The following MTMR14 variants were observed in gnomAD, a reference collection of about 807,000 sequenced individuals.
MTMR14 encodes myotubularin related protein 14.
MTMR14 carries 48 observed loss-of-function variants against 86.3 expected under a neutral mutation model. The observed-to-expected ratio is 0.56, with a 90% CI of 0.44 to 0.71. MTMR14 has a LOEUF of 0.71. Among genes scored for constraint, MTMR14 ranks in the 30% least tolerant of loss-of-function variants. MTMR14 has a pLI of 0.00. For missense variants in MTMR14, 780 were observed against 834.6 expected, an observed-to-expected ratio of 0.93 and a Z score of 0.81; for synonymous variants, 366 against 326.1, an observed-to-expected ratio of 1.12 and a Z score of -1.32.
intron 5 of MTMR14, 131 bp downstream of exon 5, chr3:9,669,623 G>A (rs1325056945): frequency 2.3e-6 from 2 of 882,022 alleles, no homozygotes; most frequent in Non-Finnish European, 3.4e-6. Context: ...TTCCTCTTCT[G>A]TCTGCCAAGT....
At chr3:9,681,645 C>T (rs1559596512) in intron 9 of MTMR14, among the ~76,000 whole-genome samples, 1 of 152,120 alleles carries the variant, frequency 6.6e-6, no homozygotes, top group Non-Finnish European at 1.5e-5. Flanking sequence ...TCATGAAGCA[C>T]GTAGGATGAG....
In MTMR14 at chr3:9,701,711, G is replaced by A; in HGVS notation, c.1770-79G>A. On this transcript the variant is annotated intron_variant, in intron 18 of 18. Coordinates refer to ENST00000296003, the MANE Select transcript of MTMR14 (RefSeq NM_001077525.3). The surrounding 1 kb of genome is among the most constrained non-coding windows in gnomAD (Gnocchi z 4.2). ...GTCAGAAGAAGCACAAGGACAGGTG[G>A]TATGGAGGGAGGGAGGATGAGGATA... The A allele has an allele frequency of 7.3e-7, 1 of 1,378,198 alleles. No homozygotes were observed. 85.4% of individuals were successfully genotyped at this position (1,378,198 alleles called of 1,614,324 possible).
At chr3:9,675,380 A>T (rs984731278) in intron 7 of MTMR14, 12 of 265,886 alleles carry the variant, frequency 4.5e-5, no homozygotes, top group African/African-American at 2.7e-4. Flanking sequence ...ACTATTACCC[A>T]AACCAAGTCA....
chr3:9,661,674 C>T (rs984199219), intron 2 of MTMR14, among the ~76,000 whole-genome samples: 2 of 152,054 alleles, frequency 1.3e-5, no homozygotes, highest in African/African-American at 4.8e-5. Flanking sequence ...ACATAATATC[C>T]AGTTTTCTGT....
intron 17 of MTMR14, among the ~76,000 whole-genome samples, chr3:9,691,165 G>C (rs1425777118): frequency 6.6e-6 from 1 of 152,236 alleles, no homozygotes; most frequent in Non-Finnish European, 1.5e-5. Flanking sequence ...AGACTGCACT[G>C]CCCACAGGGG....
intron 9 of MTMR14, among the ~76,000 whole-genome samples, chr3:9,679,663 G>T (rs567376969): frequency 6.6e-6 from 1 of 152,280 alleles, no homozygotes; most frequent in African/African-American, 2.4e-5. Flanking sequence ...TTGAACAGAT[G>T]ACCTCACTTC....
At chr3:9,650,603 CTTCCTCA>C in intron 1 of MTMR14, 1 of 287,726 alleles carries the variant, frequency 3.5e-6, no homozygotes, top group Non-Finnish European at 7.2e-6. Context: ...AAGGATTGGA[CTTCCTCA>C]CTCTCCAAAT....
At chr3:9,663,457 C>T (rs2048053803) in intron 3 of MTMR14, among the ~76,000 whole-genome samples, 1 of 147,684 alleles carries the variant, frequency 6.8e-6, no homozygotes, top group South Asian at 2.2e-4. Context: ...TTCATGTTCC[C>T]GAAAGTTATT....
chr3:9,656,784 G>C (rs2047632900), intron 2 of MTMR14, among the ~76,000 whole-genome samples: 1 of 151,990 alleles, frequency 6.6e-6, no homozygotes, highest in Non-Finnish European at 1.5e-5. Context: ...GTTTTGTTTT[G>C]TTTTCTTTGT....
At chr3:9,681,476 A>T (rs1373295567) in intron 9 of MTMR14, among the ~76,000 whole-genome samples, 1 of 152,190 alleles carries the variant, frequency 6.6e-6, no homozygotes, top group African/African-American at 2.4e-5. Flanking sequence ...CATCACCTAC[A>T]TTACAGTTTT....
At chr3:9,653,124 G>C (rs1480396202) in intron 1 of MTMR14, among the ~76,000 whole-genome samples, 1 of 152,134 alleles carries the variant, frequency 6.6e-6, no homozygotes, top group African/African-American at 2.4e-5. Context: ...TGTAATCCCA[G>C]CTACTCGGGG....
chr3:9,684,873 T>G lies in MTMR14; in HGVS notation c.1051-15T>G. 1 of 1,613,776 alleles carries G rather than the reference T, an allele frequency of 6.2e-7. No homozygotes were observed. Among genetic ancestry groups the G allele is most frequent in the East Asian group, 2.2e-5 (1 of 44,890 alleles). On this transcript the variant is annotated splice_polypyrimidine_tract_variant and intron_variant, in intron 11 of 18. Coordinates refer to ENST00000296003, the MANE Select transcript of MTMR14 (RefSeq NM_001077525.3). ...GAGAAGAGGGCTCTGTCACATCTCC[T>G]GTGGTCTCTTCCAGGATGGGCTCAT...
At chr3:9,668,576 C>A in intron 3 of MTMR14, 143 bp from the exon 4 acceptor site, 1 of 757,232 alleles carries the variant, frequency 1.3e-6, no homozygotes, top group Non-Finnish European at 2.3e-6. Context: ...CTGATTGTGG[C>A]AGCCTTGATG....
Position 9,668,856 on chromosome 3 carries a change from C to T in MTMR14, c.493+62C>T, listed in dbSNP as rs187441084. ...AACCCAGTCATAGAGAATAGCTACC[C>T]GGGCCGGGCGCCATGCCTCACGCCT... On this transcript the variant is annotated intron_variant, in intron 4 of 18. Transcript: ENST00000296003. 384 of 1,556,954 alleles carry T rather than the reference C, an allele frequency of 2.5e-4. 3 individuals carry two copies. The East Asian group carries it at 7.4e-3, about 30-fold the overall frequency.
intron 14 of MTMR14, 39 bp downstream of exon 14, chr3:9,687,930 G>T: frequency 6.6e-7 from 1 of 1,526,368 alleles, no homozygotes; most frequent in Non-Finnish European, 8.9e-7. Flanking sequence ...GGGCCAGGGC[G>T]CTCTGAGAAG....
intron 12 of MTMR14, 95 bp downstream of exon 12, chr3:9,685,059 A>T: frequency 6.7e-7 from 1 of 1,490,598 alleles, no homozygotes; most frequent in Non-Finnish European, 9.4e-7. Flanking sequence ...GGAGGTAAGG[A>T]TAATTCCACC....
chr3:9,666,450 A>G (rs2048260679), intron 3 of MTMR14, among the ~76,000 whole-genome samples: 1 of 152,234 alleles, frequency 6.6e-6, no homozygotes, highest in Non-Finnish European at 1.5e-5. Context: ...AAAGTTTCAC[A>G]TCCTACTTAA....
chr3:9,659,105 T>C (rs2047773976), intron 2 of MTMR14, among the ~76,000 whole-genome samples: 1 of 152,164 alleles, frequency 6.6e-6, no homozygotes, highest in African/African-American at 2.4e-5. Context: ...CATCGTGGCA[T>C]GTGCCTGTAG....
At chr3:9,661,225 A>G (rs2047911447) in intron 2 of MTMR14, among the ~76,000 whole-genome samples, 1 of 152,040 alleles carries the variant, frequency 6.6e-6, no homozygotes, top group Non-Finnish European at 1.5e-5. Context: ...GCACTCCCCA[A>G]CCTTTTTGGC....
Sources: gnomAD v4.1 joint callset for allele counts (sites outside exome capture counted in the v4.1 genomes callset) on GRCh38, gnomAD v4.1.1 for gene constraint, Gnocchi (gnomAD v3.1) non-coding constraint, MANE v1.5 for transcripts, NCBI Gene and HGNC (gene_info 2026-07-23, HGNC 2026-07-21) for gene names.